CKAP2L: variants seen among roughly 807,000 people sequenced by gnomAD.
The protein encoded by CKAP2L is cytoskeleton-associated protein 2-like.
In CKAP2L, 42 loss-of-function variants were observed where a neutral mutation model predicts 65.7. The ratio of observed to expected loss-of-function variants is 0.64; its 90% CI spans 0.50 to 0.83. CKAP2L has a LOEUF of 0.83. Ranked by LOEUF, CKAP2L falls within the 40% of genes least tolerant of loss-of-function variation. CKAP2L has a pLI of 0.00. For synonymous variants in CKAP2L, 325 were observed against 313.5 expected (o/e 1.04, Z -0.39); for missense variants, 908 against 871.0 (o/e 1.04, Z -0.53).
chr2:112,761,733 G>A (rs1273162380), intron 2 of CKAP2L, among the ~76,000 whole-genome samples: 1 of 152,118 alleles, frequency 6.6e-6, no homozygotes, highest in Non-Finnish European at 1.5e-5. Flanking sequence ...TACAGCATAA[G>A]CCCTGGGAGG....
At chr2:112,741,211 C>T (rs916818528) in intron 7 of CKAP2L, among the ~76,000 whole-genome samples, 1 of 152,094 alleles carries the variant, frequency 6.6e-6, no homozygotes, top group Non-Finnish European at 1.5e-5. Context: ...CTACATCAGG[C>T]TACCCTCGTA....
chr2:112,761,174 T>G (rs1281302883), intron 2 of CKAP2L, among the ~76,000 whole-genome samples: 1 of 151,986 alleles, frequency 6.6e-6, no homozygotes, highest in Non-Finnish European at 1.5e-5. Context: ...CTTTAAAAAA[T>G]TTCCGGCTGG....
chr2:112,746,108 G>A (rs1680191628), intron 6 of CKAP2L, among the ~76,000 whole-genome samples: 1 of 152,100 alleles, frequency 6.6e-6, no homozygotes, highest in African/African-American at 2.4e-5. Context: ...TACAGAACAT[G>A]ACATGGAAAA....
chr2:112,752,486 T>G lies in CKAP2L; in HGVS notation c.1395-12A>C. 1 of 1,535,554 alleles carries G rather than the reference T, an allele frequency of 6.5e-7. No homozygotes were observed. Among genetic ancestry groups the G allele is most frequent in the Non-Finnish European group, 8.9e-7 (1 of 1,118,562 alleles). ...CTTCTAGTTGTTTCCTGAAATTCAATTAAAGGGAGAGTGGTTTTATTTATT... is the reference window on the plus strand; with the variant it reads ...CTTCTAGTTGTTTCCTGAAATTCAAGTAAAGGGAGAGTGGTTTTATTTATT... On this transcript the variant is annotated splice_polypyrimidine_tract_variant and intron_variant, in intron 4 of 8. Coordinates refer to ENST00000302450, the MANE Select transcript of CKAP2L (RefSeq NM_152515.5).
chr2:112,743,639 C>T (rs569012227), intron 6 of CKAP2L, among the ~76,000 whole-genome samples: 1 of 151,858 alleles, frequency 6.6e-6, no homozygotes, highest in South Asian at 2.1e-4. Context: ...GGTTTCGCTA[C>T]GTTGGCCAGG....
At chr2:112,742,813 T>A (rs369673441) in intron 6 of CKAP2L, 44 bp from the exon 7 acceptor site, 3 of 1,435,882 alleles carry the variant, frequency 2.1e-6, no homozygotes, top group East Asian at 4.6e-5. Flanking sequence ...AAAACATTCA[T>A]GCAAAAAATT....
intron 3 of CKAP2L, among the ~76,000 whole-genome samples, chr2:112,757,661 A>T (rs182208473): frequency 6.6e-6 from 1 of 152,328 alleles, no homozygotes; most frequent in East Asian, 1.9e-4. Flanking sequence ...AAGTGCTGGG[A>T]TAACAGGTAT....
At chr2:112,752,599 T>C (rs1680406749) in intron 4 of CKAP2L, 125 bp from the exon 5 acceptor site, 2 of 678,714 alleles carry the variant, frequency 2.9e-6, no homozygotes, top group South Asian at 2.1e-5. Flanking sequence ...ATCAGGAGAA[T>C]GGAATTAAAA....
chr2:112,752,558 G>A, intron 4 of CKAP2L, 84 bp from the exon 5 acceptor site: 1 of 813,052 alleles, frequency 1.2e-6, no homozygotes, highest in Non-Finnish European at 1.9e-6. Flanking sequence ...TATAGATAGA[G>A]TATAATTAAA....
intron 7 of CKAP2L, among the ~76,000 whole-genome samples, chr2:112,741,952 T>G (rs1457184023): frequency 2.0e-5 from 3 of 147,868 alleles, no homozygotes; most frequent in Non-Finnish European, 3.0e-5. Flanking sequence ...TTTTTTTTTT[T>G]TTTTTTTTTT....
chr2:112,756,145 T>C lies in CKAP2L; in HGVS notation c.1226A>G (p.Asn409Ser), dbSNP rs770250907. 1.9e-6 allele frequency: 3 copies of C among 1,614,108 alleles called. No individual in the cohort carries two copies. The highest frequency in any genetic ancestry group is 2.5e-6 in the Non-Finnish European group (3 of 1,179,994). The change falls in exon 4 of 9, where the codon AAT (asparagine) becomes AGT (serine). Residue 409 changes from asparagine to serine, a missense_variant. Transcript: ENST00000302450. ...NGTSGNKHNN[N>S]GFQQKAQTLD... The stretch of plus-strand genomic sequence containing the variant: ...AGTCTGTGCTTTTTGCTGAAAGCCA[T>C]TATTGTTATGTTTATTACCACTGGT...
chr2:112,764,035 T>A (rs1212878616), intron 1 of CKAP2L: 1 of 161,708 alleles, frequency 6.2e-6, no homozygotes, highest in Admixed American at 6.1e-5. Context: ...CAAGCACATC[T>A]AAGAGATTAG....
rs757551001 is a variant in CKAP2L at position 112,756,411 on chromosome 2, T to A, written c.960A>T (p.Ser320=). The A allele has an allele frequency of 6.2e-7, 1 of 1,614,120 alleles. No homozygotes were observed. The change falls in exon 4 of 9, where the codon TCA becomes TCT. Residue 320 remains serine (S), a synonymous_variant. Coordinates refer to ENST00000302450, the MANE Select transcript of CKAP2L (RefSeq NM_152515.5). ...TCACTCTCTGTTCAGTAACAGGGTA[T>A]GACCGTATCTTAGTTTCATTTGGTC... is the stretch of plus-strand genomic sequence containing the variant. ...YERPNETKIR[S]YPVTEQRVKH...
chr2:112,762,145 T>TG (rs1680740923), intron 2 of CKAP2L, among the ~76,000 whole-genome samples: 1 of 152,154 alleles, frequency 6.6e-6, no homozygotes, highest in South Asian at 2.1e-4. Context: ...TAGCAAGAAA[T>TG]GCCAGAACCA....
At position 112,740,827 on chromosome 2, in the gene CKAP2L, G is replaced by A. The variant is rs1295699168; in HGVS notation, c.2003C>T (p.Pro668Leu). 6.2e-7 allele frequency: 1 copy of A among 1,609,710 alleles called. No individual in the cohort carries two copies. The highest frequency in any genetic ancestry group is 1.1e-5 in the South Asian group (1 of 90,862). The change falls in exon 8 of 9, where the codon CCA becomes CTA. Residue 668 changes from proline to leucine, a missense_variant. Transcript: ENST00000302450. The stretch of plus-strand genomic sequence containing the variant: ...TTTAGAGTTTGCTTACCTAGGGATT[G>A]GACCAATCTGTAATTTGATACCAGG... ...NYPGIKLQIG[P>L]IPRINGMPEV...
Position 112,756,004 on chromosome 2 carries a change from T to C in CKAP2L, c.1367A>G (p.Lys456Arg). The change falls in exon 4 of 9, where the codon AAA becomes AGA. Residue 456 changes from lysine to arginine, a missense_variant. Physicochemically the swap from Lys to Arg is conservative, Grantham distance 26. Coordinates refer to ENST00000302450, the MANE Select transcript of CKAP2L (RefSeq NM_152515.5). Reference sequence around the variant, plus strand: ...TCGATCCTCTGCTGTTGCCTTCTTTTTAATATTTGGGTTTGTTTGGGTCCC... The same window carrying C: ...TCGATCCTCTGCTGTTGCCTTCTTTCTAATATTTGGGTTTGTTTGGGTCCC... ...VNGTQTNPNI[K>R]KKATAEDRRK... The C allele has an allele frequency of 6.3e-7, 1 of 1,590,228 alleles. No individual in the cohort carries two copies. Among genetic ancestry groups the C allele is most frequent in the South Asian group, 1.2e-5 (1 of 86,904 alleles).
intron 6 of CKAP2L, chr2:112,742,997 T>C: frequency 2.0e-6 from 1 of 502,642 alleles, no homozygotes; most frequent in East Asian, 3.2e-5. Flanking sequence ...TGAACAGATG[T>C]ATTTAAAGTT....
Position 112,746,495 on chromosome 2 carries a change from T to C in CKAP2L, c.1683A>G (p.Lys561=). 6.2e-7 allele frequency: 1 copy of C among 1,613,540 alleles called. No homozygotes were observed. Among genetic ancestry groups the C allele is most frequent in the Non-Finnish European group, 8.5e-7 (1 of 1,179,550 alleles). ...AEKFAKFWIC[K]AKLLASKGTF... ...TGCCTTTACTTGCCAACAACTTTGC[T>C]TTGCAGATCCAGAATTTAGCAAATT... The change falls in exon 6 of 9, where the codon AAA becomes AAG. Residue 561 remains lysine (K), a synonymous_variant. Transcript: ENST00000302450.
Position 112,756,317 on chromosome 2 carries a change from T to TGATGTTTG in CKAP2L, c.1046_1053dup (p.Lys352GlnfsTer27), listed in dbSNP as rs781603729. 5.6e-5 allele frequency: 90 copies of TGATGTTTG among 1,613,750 alleles called. No homozygotes were observed. Among genetic ancestry groups the TGATGTTTG allele is most frequent in the Non-Finnish European group, 7.5e-5 (89 of 1,179,904 alleles). On this transcript the variant is annotated frameshift_variant, in exon 4 of 9. Transcript: ENST00000302450. LOFTEE classifies it high-confidence loss of function. ...ACTTGGCTGGACTTCTGATCTTGCT[T>TGATGTTTG]GATGTTTGGATGTCTGTTGTTATAT...
Sources: allele counts gnomAD v4.1 joint callset (sites outside exome capture counted in the v4.1 genomes callset), GRCh38; gene constraint gnomAD v4.1.1; transcripts MANE v1.5; gene names NCBI Gene and HGNC (gene_info 2026-07-23, HGNC 2026-07-21).